The following IGF1R variants were observed in gnomAD, a reference collection of about 807,000 sequenced individuals.
IGF1R encodes the protein insulin like growth factor 1 receptor.
IGF1R carries 44 observed loss-of-function variants against 144.6 expected under a neutral mutation model. The observed-to-expected ratio is 0.30, with a 90% CI of 0.24 to 0.39. The LOEUF is 0.39. IGF1R is among the 10% of genes least tolerant of loss of function. The probability of loss-of-function intolerance (pLI) is 1.00; values close to 1 mark genes in which losing one functional copy is unlikely to be tolerated. For synonymous variants in IGF1R, 795 were observed against 722.8 expected, an observed-to-expected ratio of 1.10 and a Z score of -1.60; for missense variants, 1,355 against 1,833.7, an observed-to-expected ratio of 0.74 and a Z score of 4.77.
At chr15:98,865,225 C>A (rs1270371169) in intron 2 of IGF1R, among the ~76,000 whole-genome samples, 2 of 152,174 alleles carry the variant, frequency 1.3e-5, no homozygotes, top group Admixed American at 6.5e-5. Flanking sequence ...TTTGTGTTTG[C>A]AGTTTCCAGA....
At chr15:98,744,820 T>TC (rs2054827048) in intron 2 of IGF1R, among the ~76,000 whole-genome samples, 1 of 152,040 alleles carries the variant, frequency 6.6e-6, no homozygotes, top group Non-Finnish European at 1.5e-5. Context: ...CCTTGTTTGA[T>TC]CCTTATCAAA....
At chr15:98,801,735 G>A (rs752479892) in intron 2 of IGF1R, among the ~76,000 whole-genome samples, 6 of 152,232 alleles carry the variant, frequency 3.9e-5, no homozygotes, top group Non-Finnish European at 8.8e-5. Context: ...CTGCCACAGA[G>A]GTTAAGAACT....
In IGF1R at chr15:98,922,175, G is replaced by A; in HGVS notation, c.2229G>A (p.Met743Ile). The A allele has an allele frequency of 6.2e-7, 1 of 1,614,192 alleles. No homozygotes were observed. The highest frequency in any genetic ancestry group is 1.1e-5 in the South Asian group (1 of 91,086). ...CTGAAAGGAAGCGGAGAGATGTCAT[G>A]CAAGTGGCCAACACCACCATGTCCA... ...PRPERKRRDV[M>I]QVANTTMSSR... Residue 743 changes from methionine to isoleucine, a missense_variant, in exon 11 of 21, where the codon ATG (methionine) becomes ATA (isoleucine). Transcript: ENST00000650285.
chr15:98,900,994 A>G (rs2014453522), intron 5 of IGF1R, among the ~76,000 whole-genome samples: 1 of 152,194 alleles, frequency 6.6e-6, no homozygotes, highest in Admixed American at 6.5e-5. Flanking sequence ...ATTAATTTCC[A>G]TTAGGAATTA....
intron 2 of IGF1R, among the ~76,000 whole-genome samples, chr15:98,850,332 G>A (rs1596357703): frequency 6.6e-6 from 1 of 152,226 alleles, no homozygotes; most frequent in East Asian, 1.9e-4. Context: ...CCTTCAGGCT[G>A]AGAGAGCAGA....
At chr15:98,852,617 G>C (rs1297721761) in intron 2 of IGF1R, among the ~76,000 whole-genome samples, 1 of 152,170 alleles carries the variant, frequency 6.6e-6, no homozygotes, top group Non-Finnish European at 1.5e-5. Context: ...CTAAGAAAGC[G>C]GGTGGAGGGT....
At chr15:98,659,436 G>A (rs897976165) in intron 1 of IGF1R, among the ~76,000 whole-genome samples, 72 of 152,044 alleles carry the variant, frequency 4.7e-4, no homozygotes, top group African/African-American at 1.7e-3. Flanking sequence ...CAGCATATTA[G>A]GTGACTGAAT....
In IGF1R at chr15:98,908,912, A is replaced by G. The variant is rs756101287; in HGVS notation, c.1462+13A>G. The G allele has an allele frequency of 7.5e-6, 12 of 1,609,160 alleles. No individual in the cohort carries two copies. The highest frequency in any genetic ancestry group is 1.0e-5 in the Non-Finnish European group (12 of 1,176,574). On this transcript the variant is annotated intron_variant, in intron 6 of 20. Transcript: ENST00000650285. ...GAGAGAGCCTCCTGTGAGTGACAGC[A>G]TCCAAAACACCGTGGGCCCAACCAT...
intron 2 of IGF1R, among the ~76,000 whole-genome samples, chr15:98,752,403 G>T (rs1166769217): frequency 1.3e-5 from 2 of 152,112 alleles, no homozygotes; most frequent in Admixed American, 6.5e-5. Context: ...GTGAGCCTTG[G>T]CTGGGCACTG....
At chr15:98,765,889 G>A (rs377462027) in intron 2 of IGF1R, among the ~76,000 whole-genome samples, 2 of 152,200 alleles carry the variant, frequency 1.3e-5, no homozygotes, top group African/African-American at 4.8e-5. Flanking sequence ...AGATGGGTCA[G>A]TGTTGTCCTG....
At chr15:98,655,127 AGAATT>A (rs2052454191) in intron 1 of IGF1R, among the ~76,000 whole-genome samples, 2 of 152,234 alleles carry the variant, frequency 1.3e-5, no homozygotes, top group African/African-American at 4.8e-5. Context: ...GGTCTGGAAA[AGAATT>A]GATTTGTTCT....
At chr15:98,665,032 A>G (rs2052699304) in intron 1 of IGF1R, among the ~76,000 whole-genome samples, 1 of 143,390 alleles carries the variant, frequency 7.0e-6, no homozygotes, top group African/African-American at 2.6e-5. Flanking sequence ...ATCTTGGCTC[A>G]CTGCAAGCTC....
chr15:98,652,956 TGTG>T (rs2052405908), intron 1 of IGF1R, among the ~76,000 whole-genome samples: 1 of 149,690 alleles, frequency 6.7e-6, no homozygotes, highest in South Asian at 2.1e-4. Flanking sequence ...TTTAAAGAAA[TGTG>T]ATCAGGTTGA....
At chr15:98,897,651 A>G (rs2014268548) in intron 4 of IGF1R, among the ~76,000 whole-genome samples, 1 of 152,192 alleles carries the variant, frequency 6.6e-6, no homozygotes, top group South Asian at 2.1e-4. Context: ...ATCATAGCTC[A>G]CTGTAACCTG....
At chr15:98,665,762 C>T (rs943038238) in intron 1 of IGF1R, among the ~76,000 whole-genome samples, 2 of 152,202 alleles carry the variant, frequency 1.3e-5, no homozygotes, top group Non-Finnish European at 2.9e-5. Context: ...CAGGAGAAGG[C>T]TTCAGTCAGG....
intron 2 of IGF1R, among the ~76,000 whole-genome samples, chr15:98,794,047 G>C (rs980359961): frequency 5.3e-5 from 8 of 152,176 alleles, no homozygotes; most frequent in African/African-American, 1.9e-4. Context: ...AGTGTCCTGG[G>C]TATTCCTCCC....
chr15:98,920,430 A>T (rs914618753), intron 10 of IGF1R, among the ~76,000 whole-genome samples: 10 of 152,238 alleles, frequency 6.6e-5, no homozygotes, highest in African/African-American at 2.4e-4. Context: ...GGGTGGGCTG[A>T]GCCGGGAGAG....
intron 2 of IGF1R, among the ~76,000 whole-genome samples, chr15:98,778,346 C>T (rs998167517): frequency 5.3e-5 from 8 of 152,202 alleles, no homozygotes; most frequent in Non-Finnish European, 8.8e-5. Flanking sequence ...ATGCCTTTTG[C>T]TTCGTTCTCA....
chr15:98,849,631 A>C (rs887802813), intron 2 of IGF1R, among the ~76,000 whole-genome samples: 1 of 152,250 alleles, frequency 6.6e-6, no homozygotes, highest in Admixed American at 6.5e-5. Flanking sequence ...TGCCAAACTG[A>C]GAAAAATATC....
Sources: allele counts gnomAD v4.1 joint callset (sites outside exome capture counted in the v4.1 genomes callset), GRCh38; gene constraint gnomAD v4.1.1; transcripts MANE v1.5; gene names NCBI Gene and HGNC (gene_info 2026-07-23, HGNC 2026-07-21).